METTL25: variants seen among roughly 807,000 people sequenced by gnomAD.
METTL25 encodes methyltransferase like 25, also known as probable methyltransferase-like protein 25.
A neutral mutation model predicts 71.6 loss-of-function variants in METTL25; 64 were observed. The observed-to-expected ratio is 0.89, with a 90% CI of 0.73 to 1.10. METTL25 has a LOEUF of 1.10. Ranked by LOEUF, METTL25 falls within the 50% of genes least tolerant of loss-of-function variation. METTL25 has a pLI of 0.00. For missense variants in METTL25, 807 were observed against 707.0 expected (o/e 1.14, Z -1.60); for synonymous variants, 287 against 250.3 (o/e 1.15, Z -1.38).
intron 5 of METTL25, 139 bp downstream of exon 5, chr12:82,403,269 A>G: frequency 1.3e-6 from 1 of 746,442 alleles, no homozygotes; most frequent in Non-Finnish European, 2.1e-6. Flanking sequence ...ACTTACTTGC[A>G]CTTTTAGTGT....
intron 9 of METTL25, among the ~76,000 whole-genome samples, chr12:82,458,605 C>T (rs1274054535): frequency 6.6e-6 from 1 of 151,960 alleles, no homozygotes; most frequent in African/African-American, 2.4e-5. Context: ...TTAATGAGCT[C>T]AACCTGGTTT....
chr12:82,402,334 G>C (rs969549735), intron 4 of METTL25, among the ~76,000 whole-genome samples: 1 of 151,940 alleles, frequency 6.6e-6, no homozygotes, highest in South Asian at 2.1e-4. Context: ...AATCTGAGAC[G>C]TGAAATTAAT....
intron 9 of METTL25, among the ~76,000 whole-genome samples, chr12:82,459,213 G>A (rs541652976): frequency 6.6e-6 from 1 of 152,274 alleles, no homozygotes; most frequent in African/African-American, 2.4e-5. Context: ...AAACAATAAT[G>A]AGTAATATAC....
chr12:82,382,484 C>A (rs1009171008), intron 1 of METTL25, among the ~76,000 whole-genome samples: 5 of 152,080 alleles, frequency 3.3e-5, no homozygotes, highest in African/African-American at 1.2e-4. Context: ...TACCATGGAG[C>A]CTTAGGAGAA....
At chr12:82,469,487 C>T (rs528838130) in intron 9 of METTL25, among the ~76,000 whole-genome samples, 16 of 152,004 alleles carry the variant, frequency 1.1e-4, no homozygotes, top group African/African-American at 3.9e-4. Context: ...TTTATAAAAC[C>T]ATCAGATCTC....
intron 9 of METTL25, among the ~76,000 whole-genome samples, chr12:82,463,948 G>T (rs964621925): frequency 6.6e-5 from 10 of 151,246 alleles, no homozygotes; most frequent in African/African-American, 2.4e-4. Flanking sequence ...GTTTGTTGTT[G>T]TTGTTGTTGT....
At chr12:82,445,004 A>T (rs1367039869) in intron 8 of METTL25, among the ~76,000 whole-genome samples, 2 of 152,202 alleles carry the variant, frequency 1.3e-5, no homozygotes, top group African/African-American at 4.8e-5. Context: ...AAAGTGTATA[A>T]CATGTACATC....
At chr12:82,417,723 G>A (rs765987828) in intron 5 of METTL25, among the ~76,000 whole-genome samples, 1 of 152,166 alleles carries the variant, frequency 6.6e-6, no homozygotes, top group East Asian at 1.9e-4. Flanking sequence ...AGACAGCAGA[G>A]TAACCAGCAG....
At chr12:82,442,867 A>T (rs1192481103) in intron 8 of METTL25, among the ~76,000 whole-genome samples, 9 of 152,158 alleles carry the variant, frequency 5.9e-5, no homozygotes, top group Non-Finnish European at 4.4e-5. Context: ...AAAAAATCCC[A>T]ATGAAAATTC....
At chr12:82,433,621 C>A (rs1189852140) in intron 6 of METTL25, among the ~76,000 whole-genome samples, 1 of 151,542 alleles carries the variant, frequency 6.6e-6, no homozygotes, top group Admixed American at 6.6e-5. Context: ...TTGCTCAGTT[C>A]TTTGCTAACT....
chr12:82,476,660 T>A lies in METTL25; in HGVS notation c.1589T>A (p.Ile530Lys). The change falls in exon 10 of 12, where the codon ATA becomes AAA. Residue 530 changes from isoleucine to lysine, a missense_variant. Transcript: ENST00000248306. ...ATCTTGAAGCTGCCAGAAAAAATTA[T>A]AATGAACTACTACGAGAAGTATAAG... ...LDESKLPEKI[I>K]MNYYEKYKPR... 1 of 1,595,644 alleles carries A rather than the reference T, an allele frequency of 6.3e-7. No homozygotes were observed. The highest frequency in any genetic ancestry group is 1.2e-5 in the South Asian group (1 of 86,792).
rs551996848 is a variant in METTL25, at chr12:82,477,724, G to A, written c.1719+372G>A. ...ATTTGTCTTTTAATTCACTTTTGGAGTGTTGGCCATATGGATTCTGCAGAA... is the reference window on the plus strand; with the variant it reads ...ATTTGTCTTTTAATTCACTTTTGGAATGTTGGCCATATGGATTCTGCAGAA... On this transcript the variant is annotated intron_variant, in intron 11 of 11. Coordinates refer to ENST00000248306, the MANE Select transcript of METTL25 (RefSeq NM_032230.3). 2.6e-5 allele frequency among the ~76,000 whole-genome samples: 4 copies of A among 151,836 alleles called. No homozygotes were observed. In the South Asian group the frequency reaches 8.3e-4, roughly 32 times the overall value.
intron 1 of METTL25, among the ~76,000 whole-genome samples, chr12:82,373,550 G>A (rs1712197383): frequency 6.6e-6 from 1 of 152,184 alleles, no homozygotes; most frequent in African/African-American, 2.4e-5. Flanking sequence ...GAGAAGAGAG[G>A]TGAGAGAAAG....
intron 5 of METTL25, among the ~76,000 whole-genome samples, chr12:82,406,704 A>G (rs1017085256): frequency 6.6e-6 from 1 of 152,146 alleles, no homozygotes; most frequent in African/African-American, 2.4e-5. Flanking sequence ...ATCATCAAAC[A>G]TTAGTTTCAA....
At chr12:82,398,691 A>G (rs1886299443) in intron 3 of METTL25, 104 bp from the exon 4 acceptor site, 1 of 653,498 alleles carries the variant, frequency 1.5e-6, no homozygotes. Context: ...AATTAAAATA[A>G]TATTTAAGTT....
intron 1 of METTL25, among the ~76,000 whole-genome samples, chr12:82,361,965 C>A (rs1426880807): frequency 6.6e-6 from 1 of 152,208 alleles, no homozygotes; most frequent in Admixed American, 6.5e-5. Context: ...GGCACGCTGT[C>A]ACCTCTCAGT....
chr12:82,444,021 A>G (rs1890556972), intron 8 of METTL25, among the ~76,000 whole-genome samples: 2 of 152,202 alleles, frequency 1.3e-5, no homozygotes, highest in Non-Finnish European at 2.9e-5. Context: ...GAGCTTATTC[A>G]AGGAAATAAT....
intron 1 of METTL25, among the ~76,000 whole-genome samples, chr12:82,363,757 C>T (rs889827631): frequency 6.8e-6 from 1 of 146,776 alleles, no homozygotes; most frequent in African/African-American, 2.5e-5. Context: ...GAAAGTGTGA[C>T]TCTAACTTAG....
intron 9 of METTL25, 41 bp downstream of exon 9, chr12:82,456,861 G>T (rs1891530048): frequency 1.0e-6 from 1 of 978,534 alleles, no homozygotes; most frequent in Non-Finnish European, 1.5e-6. Context: ...AAAGACAGAA[G>T]AACTTCTATT....
Sources: gnomAD v4.1 joint callset for allele counts (sites outside exome capture counted in the v4.1 genomes callset) on GRCh38, gnomAD v4.1.1 for gene constraint, MANE v1.5 for transcripts, NCBI Gene and HGNC (gene_info 2026-07-23, HGNC 2026-07-21) for gene names.